The following PICALM variants were observed in gnomAD, a reference collection of about 807,000 sequenced individuals.
PICALM encodes the protein phosphatidylinositol binding clathrin assembly protein, also known as phosphatidylinositol-binding clathrin assembly protein.
Under a neutral mutation model 80.5 loss-of-function variants are expected in PICALM, and 40 were observed. The ratio of observed to expected loss-of-function variants is 0.50; its 90% CI spans 0.39 to 0.65. The LOEUF (loss-of-function observed/expected upper bound fraction) is 0.65. Ranked by LOEUF, PICALM falls within the 30% of genes least tolerant of loss-of-function variation. The pLI, the probability that PICALM is intolerant of heterozygous loss-of-function variation, is 0.00. For synonymous variants in PICALM, 288 were observed against 260.3 expected (o/e 1.11, Z -1.02); for missense variants, 676 against 778.9 (o/e 0.87, Z 1.57).
intron 17 of PICALM, chr11:85,978,036 T>C (rs746162206): frequency 7.6e-6 from 12 of 1,583,632 alleles, no homozygotes; most frequent in Non-Finnish European, 1.0e-5. Context: ...AGCATGCCAA[T>C]TTATTGCAAA....
chr11:86,002,755 G>A (rs1455001871), intron 9 of PICALM, among the ~76,000 whole-genome samples: 3 of 152,158 alleles, frequency 2.0e-5, no homozygotes, highest in African/African-American at 4.8e-5. Flanking sequence ...GTTCATGCCT[G>A]TAATCCCAGC....
intron 1 of PICALM, among the ~76,000 whole-genome samples, chr11:86,037,510 G>A (rs1295630569): frequency 2.6e-5 from 4 of 151,168 alleles, no homozygotes; most frequent in African/African-American, 7.3e-5. Flanking sequence ...CACCTGCCTC[G>A]GCCTCCCAAA....
intron 1 of PICALM, among the ~76,000 whole-genome samples, chr11:86,047,005 C>T (rs1007176644): frequency 6.6e-6 from 1 of 152,162 alleles, no homozygotes; most frequent in Non-Finnish European, 1.5e-5. Flanking sequence ...CAGCCTTGTG[C>T]CAAGGCAAGG....
In PICALM at chr11:85,974,863, T is replaced by C. The variant is rs763878769; in HGVS notation, c.1840-51A>G. Reference sequence around the variant, plus strand: ...ATACTGACTCCTATCTTCCTTATTGTGACTAAGTAAATAACAATGACAACA... The same window carrying C: ...ATACTGACTCCTATCTTCCTTATTGCGACTAAGTAAATAACAATGACAACA... On this transcript the variant is annotated intron_variant, in intron 18 of 19. Coordinates refer to ENST00000393346, the MANE Select transcript of PICALM (RefSeq NM_007166.4). 7.4e-6 allele frequency: 9 copies of C among 1,221,242 alleles called. No individual in the cohort carries two copies. The South Asian group carries it at 9.6e-5, about 13-fold the overall frequency. 75.7% of individuals were successfully genotyped at this position (1,221,242 alleles called of 1,614,324 possible).
rs184219074 is a variant in PICALM at position 85,996,282 on chromosome 11, G to A, written c.1258+544C>T. 3.5e-4 allele frequency among the ~76,000 whole-genome samples: 53 copies of A among 152,024 alleles called. 1 individual carries two copies. Among genetic ancestry groups the A allele is most frequent in the Non-Finnish European group, 2.9e-5 (2 of 67,930 alleles). ...GCAGCAAACATTCTTATTGGTACAA[G>A]GGGAAAATTCTTTGACTAGCAAAAT... On this transcript the variant is annotated intron_variant, in intron 12 of 19. Transcript: ENST00000393346.
At position 86,000,572 on chromosome 11, in the gene PICALM, A is replaced by C; in HGVS notation, c.1154+71T>G. 6 of 1,292,836 alleles carry C rather than the reference A, an allele frequency of 4.6e-6. No individual in the cohort carries two copies. The South Asian group carries it at 8.5e-5, about 18-fold the overall frequency. 80.1% of individuals were successfully genotyped at this position (1,292,836 alleles called of 1,614,324 possible). A position where few individuals can be genotyped will look rare whatever the true frequency, so the allele number is the denominator to read the frequency against. ...AGCATAAATAAAAGTAAACCTGAAA[A>C]GTTCTGCAAAATTTCTATTAGAAGT... On this transcript the variant is annotated intron_variant, in intron 11 of 19. Coordinates refer to ENST00000393346, the MANE Select transcript of PICALM (RefSeq NM_007166.4).
intron 13 of PICALM, among the ~76,000 whole-genome samples, chr11:85,989,789 A>T (rs2094704059): frequency 6.6e-6 from 1 of 152,132 alleles, no homozygotes. Context: ...TAAAACTGTG[A>T]CGTGCAACAG....
intron 3 of PICALM, among the ~76,000 whole-genome samples, chr11:86,024,547 G>A (rs924536050): frequency 2.0e-5 from 3 of 150,008 alleles, no homozygotes; most frequent in African/African-American, 7.4e-5. Context: ...TTCAAGATTT[G>A]GTTTACTCTG....
In PICALM at chr11:86,068,849, G is replaced by C. The variant is rs1302859324; in HGVS notation, c.-69C>G. On this transcript the variant is annotated 5_prime_UTR_variant, in exon 1 of 20. Coordinates refer to ENST00000393346, the MANE Select transcript of PICALM (RefSeq NM_007166.4). ...GGACTGGGACCCCCAAGAGCCGGAG[G>C]GTCCCCACCCCCCACCGCACCCCCT... is the stretch of plus-strand genomic sequence containing the variant. The C allele has an allele frequency of 2.0e-6, 3 of 1,502,528 alleles. No homozygotes were observed. In the African/African-American group the frequency reaches 4.1e-5, roughly 21 times the overall value. The allele number at this position is 1,502,528 out of a possible 1,614,324, so 93.1% of individuals were successfully genotyped here.
chr11:86,061,710 A>C (rs765481587), intron 1 of PICALM, among the ~76,000 whole-genome samples: 2 of 152,244 alleles, frequency 1.3e-5, no homozygotes, highest in Non-Finnish European at 2.9e-5. Flanking sequence ...GCAAAACTAA[A>C]GGTATTCTTA....
At chr11:85,976,169 T>C (rs1020990857) in intron 18 of PICALM, among the ~76,000 whole-genome samples, 1 of 152,166 alleles carries the variant, frequency 6.6e-6, no homozygotes, top group African/African-American at 2.4e-5. Context: ...TTGTGGCATT[T>C]TGAAAGGTTA....
intron 9 of PICALM, among the ~76,000 whole-genome samples, chr11:86,002,939 A>C (rs2095183828): frequency 6.6e-6 from 1 of 152,056 alleles, no homozygotes; most frequent in Non-Finnish European, 1.5e-5. Flanking sequence ...TGAACCCAGG[A>C]GGTGGAAGTT....
chr11:85,981,210 T>C lies in PICALM; in HGVS notation c.1698A>G (p.Gln566=), dbSNP rs1389715749. The C allele has an allele frequency of 8.2e-6, 13 of 1,587,638 alleles. No homozygotes were observed. The Admixed American group carries it at 8.3e-5, about 10-fold the overall frequency. Residue 566 remains glutamine (Q), a synonymous_variant, in exon 17 of 20, where the codon CAA becomes CAG. Coordinates refer to ENST00000393346, the MANE Select transcript of PICALM (RefSeq NM_007166.4). ...GTTKNDVNWS[Q]PGEKKLTGGS... The stretch of plus-strand genomic sequence containing the variant: ...CCCCAGTTAACTTCTTTTCACCTGG[T>C]TGACTCCAATTTACATCACTTTAAA...
rs1342246137 is a variant in PICALM, at chr11:85,981,727, T to C, written c.1679+18A>G. The C allele has an allele frequency of 1.9e-6, 3 of 1,585,728 alleles. No homozygotes were observed. Among genetic ancestry groups the C allele is most frequent in the Non-Finnish European group, 2.6e-6 (3 of 1,154,988 alleles). The stretch of plus-strand genomic sequence containing the variant: ...TAAATAACACACGGAGAAAACAATG[T>C]GTATATTAAACACTCACTTCTTAGT... On this transcript the variant is annotated intron_variant, in intron 16 of 19. Transcript: ENST00000393346.
chr11:86,068,005 T>C (rs1480085414), intron 1 of PICALM, among the ~76,000 whole-genome samples: 1 of 152,154 alleles, frequency 6.6e-6, no homozygotes, highest in Non-Finnish European at 1.5e-5. Context: ...GTCGGGTAAC[T>C]GGGTATGGTA....
chr11:85,960,752 C>T, intron 19 of PICALM: 5 of 1,310,264 alleles, frequency 3.8e-6, no homozygotes, highest in Admixed American at 2.4e-5. Context: ...AGGACTGTGA[C>T]TGGAGGGGCT....
chr11:86,029,434 A>G (rs950330022), intron 2 of PICALM, among the ~76,000 whole-genome samples: 1 of 152,238 alleles, frequency 6.6e-6, no homozygotes, highest in Non-Finnish European at 1.5e-5. Flanking sequence ...AAATGAACAG[A>G]GCATGGAATT....
At chr11:86,039,374 C>T (rs1049472597) in intron 1 of PICALM, among the ~76,000 whole-genome samples, 6 of 151,976 alleles carry the variant, frequency 3.9e-5, no homozygotes, top group Non-Finnish European at 7.4e-5. Context: ...TGCCCTCCAG[C>T]CTGGGAAACA....
upstream of PICALM, chr11:86,069,540 G>T (rs10898433): frequency 0.12 from 18,112 of 152,352 alleles, 1,449 homozygotes; most frequent in East Asian, 0.37. Context: ...CCCCTGAAGT[G>T]GGGGGTATTA....
Sources: gnomAD v4.1 joint callset for allele counts (sites outside exome capture counted in the v4.1 genomes callset) on GRCh38, gnomAD v4.1.1 for gene constraint, MANE v1.5 for transcripts, NCBI Gene and HGNC (gene_info 2026-07-23, HGNC 2026-07-21) for gene names.